CLSTN2: variants seen among roughly 807,000 people sequenced by gnomAD.
CLSTN2 encodes calsyntenin 2, also known as calsyntenin-2.
In CLSTN2, 48 loss-of-function variants were observed where a neutral mutation model predicts 101.2. That is an observed-to-expected ratio of 0.47 (90% CI 0.38 to 0.60). The LOEUF is 0.60. Ranked by LOEUF, CLSTN2 falls within the 20% of genes least tolerant of loss-of-function variation. The pLI is 0.00. For missense variants in CLSTN2, 1,160 were observed against 1,238.2 expected (o/e 0.94, Z 0.95); for synonymous variants, 481 against 463.6 (o/e 1.04, Z -0.48).
At chr3:140,461,127 G>T (rs943996489) in intron 7 of CLSTN2, 3 of 152,094 alleles carry the variant, frequency 2.0e-5, no homozygotes, top group African/African-American at 7.2e-5. Flanking sequence ...CTACAAGAAC[G>T]CCACATTCTC....
chr3:140,024,684 G>A (rs1018375488), intron 1 of CLSTN2, among the ~76,000 whole-genome samples: 4 of 152,144 alleles, frequency 2.6e-5, no homozygotes, highest in African/African-American at 9.7e-5. Context: ...ACGGTGGTTT[G>A]ACTGATGGAG....
At chr3:140,271,373 A>G (rs2086739942) in intron 2 of CLSTN2, among the ~76,000 whole-genome samples, 2 of 152,198 alleles carry the variant, frequency 1.3e-5, no homozygotes, top group Non-Finnish European at 2.9e-5. Flanking sequence ...TTTAGCTGTT[A>G]TAACAATGTT....
intron 1 of CLSTN2, among the ~76,000 whole-genome samples, chr3:140,053,445 C>T (rs1369115018): frequency 6.6e-6 from 1 of 152,204 alleles, no homozygotes; most frequent in East Asian, 1.9e-4. Context: ...GTCACAGCTA[C>T]TGTCTCACTA....
chr3:140,152,286 T>G (rs1182329595), intron 1 of CLSTN2, among the ~76,000 whole-genome samples: 1 of 152,122 alleles, frequency 6.6e-6, no homozygotes, highest in African/African-American at 2.4e-5. Flanking sequence ...CTTTCTCAGA[T>G]GGACCAGTGA....
intron 2 of CLSTN2, among the ~76,000 whole-genome samples, chr3:140,397,489 G>C (rs2088195611): frequency 6.6e-6 from 1 of 152,168 alleles, no homozygotes; most frequent in South Asian, 2.1e-4. Context: ...ATACCTTAGA[G>C]TGGTGTCTTA....
chr3:140,093,711 A>C (rs1326177635), intron 1 of CLSTN2, among the ~76,000 whole-genome samples: 1 of 152,114 alleles, frequency 6.6e-6, no homozygotes, highest in East Asian at 1.9e-4. Flanking sequence ...TTTTCCAATG[A>C]CCAGTGTGCA....
intron 2 of CLSTN2, among the ~76,000 whole-genome samples, chr3:140,344,134 C>A (rs1290351989): frequency 6.6e-6 from 1 of 152,214 alleles, no homozygotes; most frequent in Non-Finnish European, 1.5e-5. Flanking sequence ...TAACAAGCTA[C>A]CGCAGCGTTC....
chr3:140,324,155 AC>A (rs373552368), intron 2 of CLSTN2, among the ~76,000 whole-genome samples: 7 of 152,312 alleles, frequency 4.6e-5, no homozygotes, highest in African/African-American at 1.7e-4. Flanking sequence ...TTAAACCTTC[AC>A]TGAAGTGTTA....
intron 1 of CLSTN2, among the ~76,000 whole-genome samples, chr3:140,000,746 T>C (rs914451332): frequency 2.6e-5 from 4 of 152,190 alleles, no homozygotes; most frequent in Admixed American, 2.0e-4. Context: ...AGCTGCTAGA[T>C]TTCTCATCTT....
At chr3:140,404,833 C>A in intron 4 of CLSTN2, 67 bp downstream of exon 4, 3 of 1,320,322 alleles carry the variant, frequency 2.3e-6, no homozygotes, top group South Asian at 1.2e-5. Flanking sequence ...TCTGAAGACC[C>A]AACATGGGCT....
chr3:140,347,930 T>A (rs2087565657), intron 2 of CLSTN2, among the ~76,000 whole-genome samples: 1 of 152,224 alleles, frequency 6.6e-6, no homozygotes, highest in Admixed American at 6.5e-5. Context: ...AGAAGGATTC[T>A]GAGGCTGAAA....
intron 5 of CLSTN2, among the ~76,000 whole-genome samples, chr3:140,439,487 C>A (rs1209613513): frequency 1.3e-5 from 2 of 152,210 alleles, no homozygotes; most frequent in African/African-American, 4.8e-5. Flanking sequence ...ATTATATCTC[C>A]TCTGTCATCA....
intron 1 of CLSTN2, among the ~76,000 whole-genome samples, chr3:140,001,513 T>C (rs2006838702): frequency 6.6e-6 from 1 of 152,108 alleles, no homozygotes; most frequent in African/African-American, 2.4e-5. Context: ...GTGTATGTAT[T>C]TATGGGGTTC....
At chr3:140,346,145 C>T (rs926389780) in intron 2 of CLSTN2, among the ~76,000 whole-genome samples, 2 of 152,198 alleles carry the variant, frequency 1.3e-5, no homozygotes, top group African/African-American at 4.8e-5. Context: ...TTCCCCTAGG[C>T]TTGCAAATGT....
chr3:140,498,516 T>C (rs550451816), intron 8 of CLSTN2, among the ~76,000 whole-genome samples: 19 of 152,238 alleles, frequency 1.2e-4, no homozygotes, highest in Middle Eastern at 3.2e-3. Flanking sequence ...CCCAGAGACA[T>C]GTATGATACA....
chr3:140,489,993 C>A, intron 8 of CLSTN2, among the ~76,000 whole-genome samples: 1 of 110,700 alleles, frequency 9.0e-6, no homozygotes, highest in Non-Finnish European at 1.8e-5. Flanking sequence ...TGGCAACAGA[C>A]AAGAAAAAAA....
intron 5 of CLSTN2, among the ~76,000 whole-genome samples, chr3:140,444,503 A>G (rs982264357): frequency 2.6e-5 from 4 of 152,150 alleles, no homozygotes; most frequent in Admixed American, 2.6e-4. Context: ...CATTTGTGCA[A>G]TTAAGATACA....
chr3:140,508,769 G>C (rs1483922362), intron 8 of CLSTN2: 1 of 152,306 alleles, frequency 6.6e-6, no homozygotes, highest in East Asian at 1.9e-4. Context: ...CTGTGCCCAG[G>C]GCCCTGACAG....
At chr3:140,159,787 A>G (rs2010015944) in intron 1 of CLSTN2, among the ~76,000 whole-genome samples, 1 of 152,178 alleles carries the variant, frequency 6.6e-6, no homozygotes, top group Admixed American at 6.5e-5. Flanking sequence ...AGTAGATTGG[A>G]TAAAGAAATG....
Sources: allele counts gnomAD v4.1 joint callset (sites outside exome capture counted in the v4.1 genomes callset), GRCh38; gene constraint gnomAD v4.1.1; transcripts MANE v1.5; gene names NCBI Gene and HGNC (gene_info 2026-07-23, HGNC 2026-07-21).